The following ARHGAP44 variants were observed in gnomAD, a reference collection of about 807,000 sequenced individuals.
ARHGAP44 encodes the protein rho GTPase-activating protein 44.
Under a neutral mutation model 106.8 loss-of-function variants are expected in ARHGAP44, and 43 were observed. That is an observed-to-expected ratio of 0.40 (90% confidence interval 0.32 to 0.52). The LOEUF (loss-of-function observed/expected upper bound fraction) is 0.52, where lower values mean the gene tolerates loss of function less well. ARHGAP44 is among the 20% of genes least tolerant of loss of function. The probability of loss-of-function intolerance (pLI) is 0.48; values close to 1 mark genes in which losing one functional copy is unlikely to be tolerated. For synonymous variants in ARHGAP44, 439 were observed against 410.3 expected (o/e 1.07, Z -0.85); for missense variants, 866 against 1,050.5 (o/e 0.82, Z 2.43).
rs142702301 is a variant in ARHGAP44, at chr17:12,989,701, C to CA, written c.2318-326dup. ...AATGCAGTCGTCTGATATAGATCCC[C>CA]AAAAAGGTGTCATTGAGACCTACTC... On this transcript the variant is annotated intron_variant, in intron 20 of 20. Coordinates refer to ENST00000379672, the MANE Select transcript of ARHGAP44 (RefSeq NM_014859.6). Among the ~76,000 whole-genome samples the CA allele has an allele frequency of 9.2e-3, 1,403 of 152,236 alleles. 23 individuals carry two copies. Among genetic ancestry groups the CA allele is most frequent in the African/African-American group, 0.032 (1,333 of 41,528 alleles).
At chr17:12,835,183 G>C (rs934555354) in intron 1 of ARHGAP44, among the ~76,000 whole-genome samples, 1 of 152,136 alleles carries the variant, frequency 6.6e-6, no homozygotes, top group Admixed American at 6.5e-5. Context: ...ATCAAATCTT[G>C]GGGAAAGGTT....
At chr17:12,923,164 T>C (rs1303658495) in intron 6 of ARHGAP44, among the ~76,000 whole-genome samples, 3 of 152,208 alleles carry the variant, frequency 2.0e-5, no homozygotes, top group Admixed American at 2.0e-4. Context: ...TAGCCCACTT[T>C]GTGCAGTTGT....
intron 1 of ARHGAP44, among the ~76,000 whole-genome samples, chr17:12,885,478 A>G (rs2036856244): frequency 6.6e-6 from 1 of 151,660 alleles, no homozygotes; most frequent in South Asian, 2.1e-4. Flanking sequence ...CCCAACTCCT[A>G]GCAATGTGTG....
At chr17:12,894,212 T>TTG (rs1255643307) in intron 1 of ARHGAP44, among the ~76,000 whole-genome samples, 291 of 149,188 alleles carry the variant, frequency 2.0e-3, no homozygotes, top group African/African-American at 5.5e-3. Context: ...TTTGCTGTGT[T>TTG]TGTGTGTGTG....
intron 1 of ARHGAP44, among the ~76,000 whole-genome samples, chr17:12,878,737 T>C (rs1412152832): frequency 6.6e-6 from 1 of 152,146 alleles, no homozygotes; most frequent in Non-Finnish European, 1.5e-5. Flanking sequence ...GGAGTGGAGA[T>C]TGGGCTAAGT....
chr17:12,911,841 G>GC (rs1404374063), intron 4 of ARHGAP44, among the ~76,000 whole-genome samples: 13 of 152,152 alleles, frequency 8.5e-5, no homozygotes, highest in Non-Finnish European at 1.8e-4. Context: ...CACTCATGCA[G>GC]CCCCCCAGGA....
At chr17:12,803,950 C>A (rs2034196089) in intron 1 of ARHGAP44, among the ~76,000 whole-genome samples, 1 of 152,098 alleles carries the variant, frequency 6.6e-6, no homozygotes, top group South Asian at 2.1e-4. Context: ...TCTTGGATTG[C>A]TTTCGGTTAT....
chr17:12,834,942 C>T (rs555170554), intron 1 of ARHGAP44, among the ~76,000 whole-genome samples: 1 of 152,178 alleles, frequency 6.6e-6, no homozygotes, highest in East Asian at 1.9e-4. Context: ...CTAATCATTG[C>T]AAGTTTAATT....
chr17:12,836,064 T>A (rs1057046105), intron 1 of ARHGAP44, among the ~76,000 whole-genome samples: 1 of 152,164 alleles, frequency 6.6e-6, no homozygotes, highest in African/African-American at 2.4e-5. Context: ...GTTGCTTCCA[T>A]CTTTTGTCTA....
At chr17:12,844,237 A>G (rs4792289) in intron 1 of ARHGAP44, among the ~76,000 whole-genome samples, 34,641 of 152,014 alleles carry the variant, frequency 0.23, 5,790 homozygotes, top group African/African-American at 0.46. Context: ...TAAAGAACAG[A>G]TGATTATTTG....
intron 1 of ARHGAP44, among the ~76,000 whole-genome samples, chr17:12,886,755 C>T (rs1002542606): frequency 1.3e-5 from 2 of 151,696 alleles, no homozygotes; most frequent in African/African-American, 4.8e-5. Context: ...TTTATTTGTC[C>T]CTCTTATATC....
chr17:12,837,138 A>C (rs904833957), intron 1 of ARHGAP44, among the ~76,000 whole-genome samples: 3 of 152,250 alleles, frequency 2.0e-5, no homozygotes, highest in Non-Finnish European at 2.9e-5. Context: ...GAAACACTAA[A>C]GGTTAAGTAA....
In ARHGAP44 at chr17:12,990,291, C is replaced by T. The variant is rs565200896; in HGVS notation, c.*120C>T. ...GCTGGCTCTTTCCTGCCACTGCCAA[C>T]ACGAGGTTGGAATTTGGCAGAAAAT... is the stretch of plus-strand genomic sequence containing the variant. On this transcript the variant is annotated 3_prime_UTR_variant, in exon 21 of 21. Coordinates refer to ENST00000379672, the MANE Select transcript of ARHGAP44 (RefSeq NM_014859.6). 5.0e-5 allele frequency: 67 copies of T among 1,342,800 alleles called. No individual in the cohort carries two copies. In the South Asian group the frequency reaches 9.9e-4, roughly 20 times the overall value. The allele number at this position is 1,342,800 out of a possible 1,614,324, so 83.2% of individuals were successfully genotyped here. A position where few individuals can be genotyped will look rare whatever the true frequency, so the allele number is the denominator to read the frequency against.
At chr17:12,849,416 C>G (rs1307298774) in intron 1 of ARHGAP44, among the ~76,000 whole-genome samples, 1 of 152,110 alleles carries the variant, frequency 6.6e-6, no homozygotes, top group Non-Finnish European at 1.5e-5. Flanking sequence ...ATGCTTGACA[C>G]TCCTTAACAT....
intron 1 of ARHGAP44, among the ~76,000 whole-genome samples, chr17:12,853,449 G>C (rs1316539358): frequency 6.6e-6 from 1 of 152,182 alleles, no homozygotes; most frequent in Admixed American, 6.5e-5. Context: ...CTAGAGTAGA[G>C]TGGAGAAAAC....
chr17:12,970,390 AAAAAG>A, intron 16 of ARHGAP44, among the ~76,000 whole-genome samples: 1 of 149,814 alleles, frequency 6.7e-6, no homozygotes, highest in Non-Finnish European at 1.5e-5. Context: ...AAAAAAAAAG[AAAAAG>A]AAGAGAAGAG....
intron 15 of ARHGAP44, among the ~76,000 whole-genome samples, chr17:12,957,307 G>C (rs1263543064): frequency 6.6e-6 from 1 of 152,254 alleles, no homozygotes; most frequent in Admixed American, 6.5e-5. Context: ...TCCACTGTCT[G>C]TACTAACCAT....
At position 12,937,722 on chromosome 17, in the gene ARHGAP44, GGT is replaced by G. The variant is rs367587980; in HGVS notation, c.583-3330_583-3329del. Among the ~76,000 whole-genome samples the G allele has an allele frequency of 8.7e-3, 1,328 of 152,158 alleles. 18 individuals are homozygous for G. The highest frequency in any genetic ancestry group is 0.031 in the African/African-American group (1,269 of 41,504). On this transcript the variant is annotated intron_variant, in intron 7 of 20. Transcript: ENST00000379672. The stretch of plus-strand genomic sequence containing the variant: ...ACTGGAAGTCAACAATAAAAATCAA[GGT>G]GTGATTTTCACCAAGAAAAATTATT...
chr17:12,890,507 G>A (rs1026546802), intron 1 of ARHGAP44, among the ~76,000 whole-genome samples: 1 of 152,172 alleles, frequency 6.6e-6, no homozygotes, highest in Non-Finnish European at 1.5e-5. Context: ...AGAGTCCTTG[G>A]GCAGTGAACC....
Sources: gnomAD v4.1 joint callset for allele counts (sites outside exome capture counted in the v4.1 genomes callset) on GRCh38, gnomAD v4.1.1 for gene constraint, MANE v1.5 for transcripts, NCBI Gene and HGNC (gene_info 2026-07-23, HGNC 2026-07-21) for gene names.